The following SAMD5 variants were observed in gnomAD, a reference collection of about 807,000 sequenced individuals.
SAMD5 encodes sterile alpha motif domain containing 5, also known as sterile alpha motif domain-containing protein 5.
SAMD5 carries 13 observed loss-of-function variants against 11.3 expected under a neutral mutation model. The ratio of observed to expected loss-of-function variants is 1.15; its 90% CI spans 0.75 to 1.83. SAMD5 has a LOEUF of 1.83. Among genes scored for constraint, SAMD5 ranks in the 40% most tolerant of loss-of-function variants. The pLI, the probability that SAMD5 is intolerant of heterozygous loss-of-function variation, is 0.00. For synonymous variants in SAMD5, 129 were observed against 111.3 expected (o/e 1.16, Z -1.00); for missense variants, 255 against 239.1 (o/e 1.07, Z -0.44).
chr6:147,849,851 T>A, the SAMD5 span, among the ~76,000 whole-genome samples: 1 of 152,186 alleles, frequency 6.6e-6, no homozygotes, highest in Non-Finnish European at 1.5e-5. Context: ...GTATGCTGCA[T>A]AGCATTGAAG....
Position 147,516,202 on chromosome 6 carries a change from C to T in SAMD5, c.459+6815C>T, listed in dbSNP as rs141675754. 3.1e-3 allele frequency among the ~76,000 whole-genome samples: 472 copies of T among 152,320 alleles called. 2 individuals carry two copies. The highest frequency in any genetic ancestry group is 0.011 in the African/African-American group (452 of 41,576). On this transcript the variant is annotated intron_variant, in intron 1 of 1. Transcript: ENST00000367474. ...GTCACCTACTCTTCTATGCTTAATA[C>T]CTGTCCTCAAGAGCAATGTGCTGAG... is the stretch of plus-strand genomic sequence containing the variant.
At chr6:147,873,469 T>TA in the SAMD5 span, among the ~76,000 whole-genome samples, 3 of 152,106 alleles carry the variant, frequency 2.0e-5, no homozygotes, top group Non-Finnish European at 4.4e-5. Context: ...GTCTAGGGTT[T>TA]AAAAAAATGC....
chr6:147,587,727 A>G (rs553278423), intron 1 of SAMD5, among the ~76,000 whole-genome samples: 8 of 152,154 alleles, frequency 5.3e-5, no homozygotes, highest in Non-Finnish European at 1.2e-4. Context: ...CTCCTGCAGC[A>G]GTTTCAAGAC....
chr6:147,591,757 T>A (rs1172909127), intron 1 of SAMD5, among the ~76,000 whole-genome samples: 1 of 152,026 alleles, frequency 6.6e-6, no homozygotes, highest in Non-Finnish European at 1.5e-5. Context: ...TCTGTGGCAT[T>A]TTTGGAGAAT....
At chr6:147,571,583 A>G (rs145396629), downstream of SAMD5, among the ~76,000 whole-genome samples, 3 of 151,426 alleles carry the variant, frequency 2.0e-5, no homozygotes, top group Non-Finnish European at 4.4e-5. Context: ...AAGTACATTC[A>G]TGTACCAATG....
the SAMD5 span, among the ~76,000 whole-genome samples, chr6:147,774,231 T>C: frequency 1.3e-5 from 2 of 152,292 alleles, no homozygotes; most frequent in African/African-American, 2.4e-5. Flanking sequence ...CTCCTTGTAC[T>C]GTGGCCTGGT....
At chr6:147,733,487 C>G (rs1263276369) in intron 1 of SAMD5, among the ~76,000 whole-genome samples, 1 of 150,618 alleles carries the variant, frequency 6.6e-6, no homozygotes, top group Non-Finnish European at 1.5e-5. Flanking sequence ...GACCACCATT[C>G]TAATTTCACT....
chr6:147,820,530 G>T, the SAMD5 span, among the ~76,000 whole-genome samples: 1 of 152,268 alleles, frequency 6.6e-6, no homozygotes, highest in East Asian at 1.9e-4. Context: ...AATGCAAATG[G>T]TAATGAGGCT....
At chr6:147,766,006 A>T in the SAMD5 span, among the ~76,000 whole-genome samples, 1 of 152,062 alleles carries the variant, frequency 6.6e-6, no homozygotes, top group African/African-American at 2.4e-5. Flanking sequence ...TAATATATAC[A>T]AATATTTGAG....
At chr6:147,863,503 C>T in the SAMD5 span, among the ~76,000 whole-genome samples, 1 of 152,182 alleles carries the variant, frequency 6.6e-6, no homozygotes, top group Non-Finnish European at 1.5e-5. Context: ...ATGAAAGCCA[C>T]TGAAGCAAAA....
At chr6:147,526,966 AT>A (rs1236988028) in intron 1 of SAMD5, among the ~76,000 whole-genome samples, 3 of 152,212 alleles carry the variant, frequency 2.0e-5, no homozygotes, top group Non-Finnish European at 4.4e-5. Context: ...GCTCCTTCAC[AT>A]TTTTAACATT....
At chr6:147,781,711 A>C in the SAMD5 span, among the ~76,000 whole-genome samples, 1 of 151,870 alleles carries the variant, frequency 6.6e-6, no homozygotes, top group Non-Finnish European at 1.5e-5. Flanking sequence ...ATATATTTAA[A>C]ATATTAGTAT....
the SAMD5 span, among the ~76,000 whole-genome samples, chr6:147,909,622 T>TC: frequency 1.4e-5 from 1 of 69,766 alleles, no homozygotes; most frequent in African/African-American, 8.0e-5. Flanking sequence ...CTTTCTTTCT[T>TC]TCTTTCTTTC....
At chr6:147,661,898 G>A (rs1356763374) in intron 1 of SAMD5, among the ~76,000 whole-genome samples, 1 of 152,038 alleles carries the variant, frequency 6.6e-6, no homozygotes, top group African/African-American at 2.4e-5. Flanking sequence ...CAAATTGCTG[G>A]GATTACAGGC....
At chr6:147,848,627 T>C in the SAMD5 span, among the ~76,000 whole-genome samples, 1 of 152,158 alleles carries the variant, frequency 6.6e-6, no homozygotes, top group Non-Finnish European at 1.5e-5. Context: ...AGAACTCCAA[T>C]TCTTAACCAC....
chr6:147,545,811 T>C (rs1169481735), intron 1 of SAMD5, among the ~76,000 whole-genome samples: 1 of 152,212 alleles, frequency 6.6e-6, no homozygotes, highest in Non-Finnish European at 1.5e-5. Context: ...ATATTTTATG[T>C]AAGACAGAAA....
chr6:147,742,175 T>G (rs1327564921), downstream of SAMD5, among the ~76,000 whole-genome samples: 1 of 152,222 alleles, frequency 6.6e-6, no homozygotes, highest in African/African-American at 2.4e-5. Flanking sequence ...GGTAGTATTA[T>G]GAAACAGTTG....
At chr6:147,701,018 A>C (rs1463959733) in intron 1 of SAMD5, among the ~76,000 whole-genome samples, 3 of 152,208 alleles carry the variant, frequency 2.0e-5, no homozygotes, top group Non-Finnish European at 2.9e-5. Context: ...CTTGAATCTT[A>C]CATATTCAGC....
chr6:147,832,115 C>T, the SAMD5 span, among the ~76,000 whole-genome samples: 17 of 151,756 alleles, frequency 1.1e-4, no homozygotes, highest in African/African-American at 3.1e-4. Flanking sequence ...GGAAGAAAAA[C>T]CTAATACATA....
Sources: gnomAD v4.1 joint callset for allele counts (sites outside exome capture counted in the v4.1 genomes callset) on GRCh38, gnomAD v4.1.1 for gene constraint, MANE v1.5 for transcripts, NCBI Gene and HGNC (gene_info 2026-07-23, HGNC 2026-07-21) for gene names.